HAVCR1: variants seen among roughly 807,000 people sequenced by gnomAD.
The protein encoded by HAVCR1 is T cell immunoglobin domain and mucin domain protein 1.
Under a neutral mutation model 32.0 loss-of-function variants are expected in HAVCR1, and 34 were observed. The observed-to-expected ratio is 1.06, with a 90% CI of 0.81 to 1.42. The LOEUF (loss-of-function observed/expected upper bound fraction) is 1.42. Ranked by LOEUF, HAVCR1 falls within the 40% of genes most tolerant of loss-of-function variation. The pLI, the probability that HAVCR1 is intolerant of heterozygous loss-of-function variation, is 0.00. For synonymous variants in HAVCR1, 178 were observed against 170.3 expected, an observed-to-expected ratio of 1.05 and a Z score of -0.35; for missense variants, 420 against 442.3, an observed-to-expected ratio of 0.95 and a Z score of 0.45.
rs1239820074 is a variant in HAVCR1 at position 157,052,449 on chromosome 5, G to A, written c.585C>T (p.Ser195=). Residue 195 remains serine, a synonymous_variant, in exon 4 of 9, where the codon AGC becomes AGT. Transcript: ENST00000523175. The part of the protein sequence containing the change: ...STTTSVPTTT[S]IPTTTSVPVT... ...CTGGAACACTTGTTGTTGTTGGAAT[G>A]CTCGTTGTCGTTGGAACGCTCGTTG... The A allele has an allele frequency of 6.2e-7, 1 of 1,612,326 alleles. No individual in the cohort carries two copies. Among genetic ancestry groups the A allele is most frequent in the Non-Finnish European group, 8.5e-7 (1 of 1,178,826 alleles).
chr5:157,035,142 T>C (rs1021206211), intron 7 of HAVCR1, among the ~76,000 whole-genome samples: 2 of 152,192 alleles, frequency 1.3e-5, no homozygotes, highest in Middle Eastern at 3.2e-3. Flanking sequence ...ATAATAAATA[T>C]GTATTCATTT....
rs749757393 is a variant in HAVCR1 at position 157,057,937 on chromosome 5, G to A, written c.7C>T (p.Pro3Ser). The A allele has an allele frequency of 6.2e-7, 1 of 1,613,534 alleles. No homozygotes were observed. The highest frequency in any genetic ancestry group is 8.5e-7 in the Non-Finnish European group (1 of 1,179,526). Residue 3 changes from proline to serine, a missense_variant, in exon 2 of 9, where the codon CCT becomes TCT. Pro to Ser is a moderately conservative substitution (Grantham distance 74). Coordinates refer to ENST00000523175, the MANE Select transcript of HAVCR1 (RefSeq NM_001173393.3). ...ATGAGGCTTAAGATGACCACTTGAG[G>A]ATGCATTATGGGATCAGCCTGAAGG... MH[P>S]QVVILSLILH...
In HAVCR1 at chr5:157,055,142, A is replaced by G. The variant is rs1756033719; in HGVS notation, c.379+59T>C. ...CCTCTTTCCCTATTAAGAAAAAAGA[A>G]AATTACTACCGAACAGAAAATTCAA... On this transcript the variant is annotated intron_variant, in intron 3 of 8. Coordinates refer to ENST00000523175, the MANE Select transcript of HAVCR1 (RefSeq NM_001173393.3). 3 of 936,722 alleles carry G rather than the reference A, an allele frequency of 3.2e-6. No individual in the cohort carries two copies. In the African/African-American group the frequency reaches 4.9e-5, roughly 15 times the overall value. The allele number at this position is 936,722 out of a possible 1,614,324, so 58.0% of individuals were successfully genotyped here. A position where few individuals can be genotyped will look rare whatever the true frequency, so the allele number is the denominator to read the frequency against.
chr5:157,042,490 ATTTTC>A (rs1203439092), intron 6 of HAVCR1, 132 bp downstream of exon 6: 11 of 528,616 alleles, frequency 2.1e-5, no homozygotes, highest in Non-Finnish European at 3.4e-5. Flanking sequence ...GAGTGAAATT[ATTTTC>A]TTCAACTTTT....
chr5:157,067,663 T>TTCTC, the HAVCR1 span, among the ~76,000 whole-genome samples: 82,971 of 150,468 alleles, frequency 0.55, 22,954 homozygotes, highest in East Asian at 0.71. Flanking sequence ...ACCAGACCCT[T>TTCTC]TCTCTCTCTC....
chr5:157,057,893 C>T lies in HAVCR1; in HGVS notation c.46+5G>A, dbSNP rs369161917. On this transcript the variant is annotated splice_donor_5th_base_variant and intron_variant, in intron 2 of 8. Transcript: ENST00000523175. ...TCTTCCCGCCCAGGGCACCTACTCA[C>T]TTACCTGCCAGATGTAGGATGAGGC... 156 of 1,612,084 alleles carry T rather than the reference C, an allele frequency of 9.7e-5. No individual in the cohort carries two copies. In the African/African-American group the frequency reaches 1.9e-3, roughly 20 times the overall value.
chr5:157,041,401 G>T (rs1754884138), intron 6 of HAVCR1, among the ~76,000 whole-genome samples: 1 of 151,998 alleles, frequency 6.6e-6, no homozygotes, highest in Non-Finnish European at 1.5e-5. Flanking sequence ...GGAAGGCTGA[G>T]GCAGGGGAAT....
At chr5:157,044,828 C>A (rs1755279749) in intron 5 of HAVCR1, among the ~76,000 whole-genome samples, 1 of 81,942 alleles carries the variant, frequency 1.2e-5, no homozygotes, top group Non-Finnish European at 2.3e-5. Flanking sequence ...TGCAGAAAAA[C>A]AGCACGGACC....
chr5:157,055,203 G>A lies in HAVCR1; in HGVS notation c.377C>T (p.Pro126Leu). ...AGAAATATCAAAGAAAAACTTACGTGGCACAATCTCCAATGATACGGTGAT... is the reference window on the plus strand; with the variant it reads ...AGAAATATCAAAGAAAAACTTACGTAGCACAATCTCCAATGATACGGTGAT... Reference protein sequence around the residue: ...MKITVSLEIVPPKVTTTPIVT... With the variant: ...MKITVSLEIVLPKVTTTPIVT... Residue 126 changes from proline (P) to leucine (L), a missense_variant and splice_region_variant, in exon 3 of 9, where the codon CCA (proline) becomes CTA (leucine). Coordinates refer to ENST00000523175, the MANE Select transcript of HAVCR1 (RefSeq NM_001173393.3). 1 of 1,467,220 alleles carries A rather than the reference G, an allele frequency of 6.8e-7. No homozygotes were observed. Among genetic ancestry groups the A allele is most frequent in the Non-Finnish European group, 9.2e-7 (1 of 1,081,362 alleles). 90.9% of individuals were successfully genotyped at this position (1,467,220 alleles called of 1,614,324 possible). A position where few individuals can be genotyped will look rare whatever the true frequency, so the allele number is the denominator to read the frequency against.
intron 8 of HAVCR1, among the ~76,000 whole-genome samples, chr5:157,032,073 C>T (rs957616922): frequency 1.9e-4 from 29 of 152,300 alleles, no homozygotes; most frequent in African/African-American, 7.0e-4. Flanking sequence ...GTTCTATAGT[C>T]CCCATGGTGT....
Position 157,037,261 on chromosome 5 carries a change from A to T in HAVCR1, c.938T>A (p.Val313Asp). 1.9e-6 allele frequency: 3 copies of T among 1,576,484 alleles called. No homozygotes were observed. The highest frequency in any genetic ancestry group is 2.6e-6 in the Non-Finnish European group (3 of 1,145,712). Residue 313 changes from valine (V) to aspartate (D), a missense_variant, in exon 7 of 9, where the codon GTC becomes GAC. Val to Asp is a radical substitution (Grantham distance 152). Coordinates refer to ENST00000523175, the MANE Select transcript of HAVCR1 (RefSeq NM_001173393.3). ...SVLVLLALLG[V>D]IIAKKYFFKK... Reference sequence around the variant, plus strand: ...AAATGACTTACTTTTGGCAATGATGACACCCAAAAGAGCAAGAAGCACCAA... The same window carrying T: ...AAATGACTTACTTTTGGCAATGATGTCACCCAAAAGAGCAAGAAGCACCAA...
chr5:157,055,718 A>T (rs112390022), intron 2 of HAVCR1, among the ~76,000 whole-genome samples, 185 bp from the exon 3 acceptor site: 1 of 151,922 alleles, frequency 6.6e-6, no homozygotes, highest in African/African-American at 2.4e-5. Context: ...AAAAAATTAC[A>T]AAAATTAGCG....
intron 6 of HAVCR1, among the ~76,000 whole-genome samples, chr5:157,039,999 C>G (rs948216148): frequency 2.6e-5 from 4 of 152,098 alleles, no homozygotes; most frequent in Non-Finnish European, 4.4e-5. Context: ...TAACTGAGAC[C>G]AAGAATAACC....
In HAVCR1 at chr5:157,029,777, C is replaced by T; in HGVS notation, c.1051G>A (p.Glu351Lys). 1 of 1,612,018 alleles carries T rather than the reference C, an allele frequency of 6.2e-7. No homozygotes were observed. Among genetic ancestry groups the T allele is most frequent in the African/African-American group, 1.3e-5 (1 of 74,914 alleles). The change falls in exon 9 of 9, where the codon GAA becomes AAA. Residue 351 changes from glutamate (E) to lysine (K), a missense_variant. Glu to Lys is a moderately conservative substitution (Grantham distance 56). Transcript: ENST00000523175. ...QNAVEKEVQA[E>K]DNIYIENSLY... ...CTATTCTCAATGTAGATATTGTCTT[C>T]TGCTTGGACTTCCTTTTCAACTGCA...
chr5:157,046,684 C>T lies in HAVCR1; in HGVS notation c.781+2354G>A, dbSNP rs149940570. On this transcript the variant is annotated intron_variant, in intron 5 of 8. Coordinates refer to ENST00000523175, the MANE Select transcript of HAVCR1 (RefSeq NM_001173393.3). ...CCAAGATCAAGGCACAGGCTGATTACTCAATCTAGTGAGGGTCCTCTTTCC... is the reference window on the plus strand; with the variant it reads ...CCAAGATCAAGGCACAGGCTGATTATTCAATCTAGTGAGGGTCCTCTTTCC... Among the ~76,000 whole-genome samples, 1,451 of 152,302 alleles carry T rather than the reference C, an allele frequency of 9.5e-3. 21 individuals are homozygous for T. Among genetic ancestry groups the T allele is most frequent in the African/African-American group, 0.031 (1,305 of 41,552 alleles).
chr5:157,059,966 A>G (rs1382820041), upstream of HAVCR1, among the ~76,000 whole-genome samples: 3 of 152,156 alleles, frequency 2.0e-5, no homozygotes, highest in African/African-American at 7.2e-5. Context: ...GTGACAGAGC[A>G]AGACCCTGTT....
At chr5:157,030,624 G>A (rs1754117939) in intron 8 of HAVCR1, among the ~76,000 whole-genome samples, 1 of 152,192 alleles carries the variant, frequency 6.6e-6, no homozygotes, top group Non-Finnish European at 1.5e-5. Flanking sequence ...CTGCACTCCA[G>A]CCTGGGCTGG....
upstream of HAVCR1, among the ~76,000 whole-genome samples, chr5:157,062,889 G>A (rs1756518456): frequency 6.6e-6 from 1 of 152,036 alleles, no homozygotes; most frequent in African/African-American, 2.4e-5. Context: ...GGAGGCCAAG[G>A]CAGGAGGATC....
intron 5 of HAVCR1, 50 bp downstream of exon 5, chr5:157,048,988 T>C (rs779679213): frequency 6.6e-6 from 7 of 1,053,774 alleles, no homozygotes; most frequent in Non-Finnish European, 1.0e-5. Context: ...AAGTCAATGG[T>C]TATCAAGGTT....
Sources: gnomAD v4.1 joint callset for allele counts (sites outside exome capture counted in the v4.1 genomes callset) on GRCh38, gnomAD v4.1.1 for gene constraint, MANE v1.5 for transcripts, NCBI Gene and HGNC (gene_info 2026-07-23, HGNC 2026-07-21) for gene names.